The following ASIC2 variants were observed in gnomAD, a reference collection of about 807,000 sequenced individuals.
ASIC2 encodes acid sensing ion channel subunit 2.
In ASIC2, 25 loss-of-function variants were observed where a neutral mutation model predicts 57.3. The ratio of observed to expected loss-of-function variants is 0.44; its 90% CI spans 0.32 to 0.61. ASIC2 has a LOEUF of 0.61. Ranked by LOEUF, ASIC2 falls within the 20% of genes least tolerant of loss-of-function variation. ASIC2 has a pLI of 0.06. For synonymous variants in ASIC2, 319 were observed against 307.5 expected (o/e 1.04, Z -0.39); for missense variants, 641 against 738.1 (o/e 0.87, Z 1.52).
intron 1 of ASIC2, among the ~76,000 whole-genome samples, chr17:34,045,333 C>A (rs970622431): frequency 1.3e-5 from 2 of 152,168 alleles, no homozygotes; most frequent in African/African-American, 2.4e-5. Context: ...GGGAACAAGA[C>A]AAGTTCCACA....
intron 1 of ASIC2, among the ~76,000 whole-genome samples, chr17:33,779,734 C>G (rs62055823): frequency 0.56 from 85,458 of 151,988 alleles, 25,166 homozygotes; most frequent in Non-Finnish European, 0.65. Flanking sequence ...AACAGCAAAA[C>G]AACAGCAGCA....
At chr17:33,534,857 C>A (rs748216120) in intron 1 of ASIC2, among the ~76,000 whole-genome samples, 7 of 152,182 alleles carry the variant, frequency 4.6e-5, no homozygotes, top group Non-Finnish European at 8.8e-5. Context: ...AGAAGAAGTG[C>A]ACATTGATGT....
At chr17:33,500,822 A>C (rs532953979) in intron 1 of ASIC2, among the ~76,000 whole-genome samples, 158 of 152,394 alleles carry the variant, frequency 1.0e-3, no homozygotes, top group Non-Finnish European at 1.6e-3. Flanking sequence ...GATTGCACAC[A>C]GAAGGCACTC....
At chr17:33,643,450 T>C (rs1906645946) in intron 1 of ASIC2, among the ~76,000 whole-genome samples, 1 of 152,238 alleles carries the variant, frequency 6.6e-6, no homozygotes, top group Non-Finnish European at 1.5e-5. Context: ...TAGAGGGTCT[T>C]CAATTGTTAT....
At chr17:33,207,204 C>T (rs562859384) in intron 1 of ASIC2, among the ~76,000 whole-genome samples, 30 of 152,332 alleles carry the variant, frequency 2.0e-4, no homozygotes, top group Non-Finnish European at 3.5e-4. Flanking sequence ...GCGAAGAGGA[C>T]GGACGGAAGT....
At chr17:34,010,049 C>T (rs1399275453) in intron 1 of ASIC2, among the ~76,000 whole-genome samples, 1 of 152,198 alleles carries the variant, frequency 6.6e-6, no homozygotes, top group Non-Finnish European at 1.5e-5. Context: ...ACTTGCAGTG[C>T]ACAGAGGGTT....
chr17:33,578,754 GC>G, intron 1 of ASIC2, among the ~76,000 whole-genome samples: 1 of 151,820 alleles, frequency 6.6e-6, no homozygotes, highest in South Asian at 2.1e-4. Flanking sequence ...TTTCAATACA[GC>G]CCCACCTGGA....
At chr17:33,474,004 T>C (rs556291749) in intron 1 of ASIC2, among the ~76,000 whole-genome samples, 139 of 152,252 alleles carry the variant, frequency 9.1e-4, no homozygotes, top group Non-Finnish European at 1.6e-3. Flanking sequence ...ATCAGACCTC[T>C]ACTCTGTCCT....
At chr17:34,022,640 A>AG (rs1491341564) in intron 1 of ASIC2, among the ~76,000 whole-genome samples, 1 of 148,276 alleles carries the variant, frequency 6.7e-6, no homozygotes, top group Non-Finnish European at 1.5e-5. Flanking sequence ...AAAAAAAAAA[A>AG]CAAAAAAAAA....
intron 1 of ASIC2, among the ~76,000 whole-genome samples, chr17:33,414,534 C>T (rs1039128040): frequency 6.6e-6 from 1 of 152,138 alleles, no homozygotes; most frequent in Non-Finnish European, 1.5e-5. Flanking sequence ...CTGGGCTTTA[C>T]CTGGACCTCT....
intron 1 of ASIC2, among the ~76,000 whole-genome samples, chr17:33,492,526 C>T (rs1013115131): frequency 6.6e-6 from 1 of 152,212 alleles, no homozygotes; most frequent in South Asian, 2.1e-4. Flanking sequence ...CAGAAAATCA[C>T]ACTCTGAATC....
intron 1 of ASIC2, among the ~76,000 whole-genome samples, chr17:33,789,464 T>TCACACACA (rs3064584): frequency 4.2e-4 from 61 of 144,510 alleles, no homozygotes; most frequent in South Asian, 1.8e-3. Context: ...AGAATCATGG[T>TCACACACA]CACACACACA....
chr17:33,174,435 A>AG, intron 1 of ASIC2, among the ~76,000 whole-genome samples: 1 of 149,408 alleles, frequency 6.7e-6, no homozygotes, highest in African/African-American at 2.4e-5. Context: ...AAAAAAAAAA[A>AG]GATTCCGTGT....
intron 1 of ASIC2, chr17:34,002,933 T>C (rs1302046327): frequency 2.0e-5 from 3 of 152,214 alleles, no homozygotes; most frequent in Non-Finnish European, 4.4e-5. Flanking sequence ...GGGCCAAAAG[T>C]AGTGTCTGAC....
At chr17:33,770,671 T>A (rs942625599) in intron 1 of ASIC2, among the ~76,000 whole-genome samples, 1 of 152,216 alleles carries the variant, frequency 6.6e-6, no homozygotes, top group Non-Finnish European at 1.5e-5. Context: ...ATCAAGCCCA[T>A]GGAGACAGCA....
intron 1 of ASIC2, among the ~76,000 whole-genome samples, chr17:33,735,528 C>T (rs538415341): frequency 1.4e-4 from 21 of 152,164 alleles, no homozygotes; most frequent in African/African-American, 4.8e-4. Flanking sequence ...TGAGAGGGAG[C>T]CATAGCTTGG....
intron 1 of ASIC2, among the ~76,000 whole-genome samples, chr17:34,010,931 T>TACACAG (rs1906695451): frequency 7.2e-6 from 1 of 138,608 alleles, no homozygotes; most frequent in Admixed American, 7.5e-5. Flanking sequence ...CAAACACACA[T>TACACAG]ACACAGACAC....
chr17:33,380,462 AG>A (rs1209951645), intron 1 of ASIC2, among the ~76,000 whole-genome samples: 2 of 152,150 alleles, frequency 1.3e-5, no homozygotes, highest in East Asian at 3.9e-4. Flanking sequence ...CATCTTATGC[AG>A]GAGAAAAAAC....
rs35830688 is a variant in ASIC2 at position 33,676,023 on chromosome 17, G to A, written c.555+479955C>T. ...ATGATGTCACATTTTTGTAATTCTT[G>A]CAATATTTCAAACTTTCTTATTATT... On this transcript the variant is annotated intron_variant, in intron 1 of 9. Coordinates refer to the ASIC2 transcript ENST00000359872. Among the ~76,000 whole-genome samples, 1,411 of 152,186 alleles carry A rather than the reference G, an allele frequency of 9.3e-3. 20 individuals carry two copies. Among genetic ancestry groups the A allele is most frequent in the African/African-American group, 0.031 (1,304 of 41,516 alleles).
Sources: allele counts gnomAD v4.1 joint callset (sites outside exome capture counted in the v4.1 genomes callset), GRCh38; gene constraint gnomAD v4.1.1; transcripts MANE v1.5; gene names NCBI Gene and HGNC (gene_info 2026-07-23, HGNC 2026-07-21).